The following EEA1 variants were observed in gnomAD, a reference collection of about 807,000 sequenced individuals.
EEA1 encodes the protein early endosome antigen 1, 162kD.
Under a neutral mutation model 209.2 loss-of-function variants are expected in EEA1, and 111 were observed. The ratio of observed to expected loss-of-function variants is 0.53; its 90% CI spans 0.45 to 0.62. The LOEUF (loss-of-function observed/expected upper bound fraction) is 0.62, where lower values mean the gene tolerates loss of function less well. Among genes scored for constraint, EEA1 ranks in the 20% least tolerant of loss-of-function variants. EEA1 has a pLI of 0.00. For missense variants in EEA1, 1,343 were observed against 1,530.8 expected, an observed-to-expected ratio of 0.88 and a Z score of 2.05; for synonymous variants, 536 against 540.6, an observed-to-expected ratio of 0.99 and a Z score of 0.12.
chr12:92,789,933 A>G (rs1455548863), intron 21 of EEA1, among the ~76,000 whole-genome samples: 1 of 152,220 alleles, frequency 6.6e-6, no homozygotes, highest in Non-Finnish European at 1.5e-5. Context: ...AGGAAGGATC[A>G]GGCAGCAATA....
intron 17 of EEA1, among the ~76,000 whole-genome samples, chr12:92,810,700 C>T (rs969132834): frequency 2.0e-5 from 3 of 151,464 alleles, no homozygotes; most frequent in South Asian, 2.1e-4. Context: ...AAGCAGCAAG[C>T]GGTTCTAATT....
intron 22 of EEA1, 44 bp downstream of exon 22, chr12:92,787,823 A>G (rs1592701693): frequency 4.3e-6 from 6 of 1,384,252 alleles, no homozygotes; most frequent in East Asian, 2.6e-5. Flanking sequence ...ATAAATGTCT[A>G]TAAAACTTAC....
At chr12:92,807,971 GA>G (rs1391689786) in intron 18 of EEA1, among the ~76,000 whole-genome samples, 1 of 151,992 alleles carries the variant, frequency 6.6e-6, no homozygotes, top group Non-Finnish European at 1.5e-5. Flanking sequence ...AGACAATCTT[GA>G]AAAATAATAA....
chr12:92,851,226 T>C lies in EEA1; in HGVS notation c.683A>G (p.Lys228Arg). The C allele has an allele frequency of 6.2e-7, 1 of 1,613,894 alleles. No homozygotes were observed. Among genetic ancestry groups the C allele is most frequent in the African/African-American group, 1.3e-5 (1 of 75,060 alleles). Residue 228 changes from lysine to arginine, a missense_variant, in exon 9 of 29, where the codon AAA becomes AGA. Transcript: ENST00000322349. ...TAGTGTTTGAACTTGGACCAGTTCT[T>C]TCTTTAGCACGGCAACATCTTCTAT... Reference protein sequence around the residue: ...PGIEDVAVLKKELVQVQTLMD... With the variant: ...PGIEDVAVLKRELVQVQTLMD...
chr12:92,786,960 C>T (rs1294872590), intron 22 of EEA1, among the ~76,000 whole-genome samples: 3 of 152,152 alleles, frequency 2.0e-5, no homozygotes. Context: ...CTCACTATGG[C>T]ACCTTTTCTC....
intron 13 of EEA1, 74 bp downstream of exon 13, chr12:92,826,087 AATTTT>A: frequency 7.0e-7 from 1 of 1,418,682 alleles, no homozygotes; most frequent in South Asian, 1.5e-5. Context: ...TGGATTAATT[AATTTT>A]ATTTTTTCTC....
At position 92,801,713 on chromosome 12, in the gene EEA1, T is replaced by G; in HGVS notation, c.2671-12A>C. ...TTGCAAGTTTTTTCCTTAAAAAAAATGAAAACTATATTACATAAAAAATAT... is the reference window on the plus strand; with the variant it reads ...TTGCAAGTTTTTTCCTTAAAAAAAAGGAAAACTATATTACATAAAAAATAT... On this transcript the variant is annotated splice_polypyrimidine_tract_variant and intron_variant, in intron 19 of 28. Coordinates refer to ENST00000322349, the MANE Select transcript of EEA1 (RefSeq NM_003566.4). 1.3e-6 allele frequency: 2 copies of G among 1,523,248 alleles called. No homozygotes were observed. The highest frequency in any genetic ancestry group is 1.8e-6 in the Non-Finnish European group (2 of 1,127,584). 94.4% of individuals were successfully genotyped at this position (1,523,248 alleles called of 1,614,324 possible).
chr12:92,881,668 T>C (rs1019008302), intron 2 of EEA1, among the ~76,000 whole-genome samples: 2 of 152,112 alleles, frequency 1.3e-5, no homozygotes, highest in Non-Finnish European at 2.9e-5. Flanking sequence ...AGGCCATTAG[T>C]GAGTAGTTTC....
chr12:92,835,400 CTTTTTTTTTTTTTTTT>C (rs140302130), intron 10 of EEA1: 5 of 154,370 alleles, frequency 3.2e-5, no homozygotes, highest in East Asian at 1.9e-4. Context: ...AGTTTCACTC[CTTTTTTTTTTTTTTTT>C]TTTTTTTTTT....
chr12:92,928,582 C>CCT lies in EEA1; in HGVS notation c.24+460_24+461insAG, dbSNP rs1304058236. Among the ~76,000 whole-genome samples, 896 of 152,258 alleles carry CCT rather than the reference C, an allele frequency of 5.9e-3. 8 individuals are homozygous for CCT. The highest frequency in any genetic ancestry group is 0.021 in the African/African-American group (856 of 41,550). ...AAAGCAGGGCCGTGTGTGGCAGGTGCGCATCGTGTCAAATTGGGGGGCACG... is the reference window on the plus strand; with the variant it reads ...AAAGCAGGGCCGTGTGTGGCAGGTGCCTGCATCGTGTCAAATTGGGGGGCACG... On this transcript the variant is annotated intron_variant, in intron 1 of 28. Coordinates refer to ENST00000322349, the MANE Select transcript of EEA1 (RefSeq NM_003566.4).
At chr12:92,839,157 CTG>C (rs1229316851) in intron 10 of EEA1, among the ~76,000 whole-genome samples, 1 of 152,114 alleles carries the variant, frequency 6.6e-6, no homozygotes, top group Non-Finnish European at 1.5e-5. Context: ...ACAAATGTGA[CTG>C]TTTTTATATT....
At chr12:92,785,667 G>T (rs1165131018) in intron 22 of EEA1, among the ~76,000 whole-genome samples, 1 of 151,898 alleles carries the variant, frequency 6.6e-6, no homozygotes, top group African/African-American at 2.4e-5. Flanking sequence ...TGAAAGAATG[G>T]CAGACTTTGA....
In EEA1 at chr12:92,804,091, G is replaced by A. The variant is rs1255956173; in HGVS notation, c.2340-1357C>T. Among the ~76,000 whole-genome samples the A allele has an allele frequency of 5.9e-5, 9 of 151,778 alleles. No homozygotes were observed. The East Asian group carries it at 1.5e-3, about 26-fold the overall frequency. On this transcript the variant is annotated intron_variant, in intron 18 of 28. Transcript: ENST00000322349. ...GATAGAACAACCAGAGGAACAAATTGGCAAGAATATAGACAATAAGAACAG... is the reference window on the plus strand; with the variant it reads ...GATAGAACAACCAGAGGAACAAATTAGCAAGAATATAGACAATAAGAACAG...
intron 2 of EEA1, among the ~76,000 whole-genome samples, chr12:92,882,498 G>A (rs1033122663): frequency 9.2e-5 from 14 of 151,894 alleles, no homozygotes; most frequent in African/African-American, 2.4e-4. Context: ...GAGCTTTGGG[G>A]TACAAATGAT....
rs898732577 is a variant in EEA1, at chr12:92,779,029, T to C, written c.3654+86A>G. ...CTAAAATGTTAGGAAAGCATTTCAA[T>C]CAGATCTTATAAGTAGAACAGTCCT... is the stretch of plus-strand genomic sequence containing the variant. On this transcript the variant is annotated intron_variant, in intron 25 of 28. Coordinates refer to ENST00000322349, the MANE Select transcript of EEA1 (RefSeq NM_003566.4). The C allele has an allele frequency of 6.4e-5, 75 of 1,178,940 alleles. No homozygotes were observed. In the Admixed American group the frequency reaches 2.1e-3, roughly 34 times the overall value. 73.0% of individuals were successfully genotyped at this position (1,178,940 alleles called of 1,614,324 possible).
chr12:92,838,793 T>C (rs996426114), intron 10 of EEA1, among the ~76,000 whole-genome samples: 1 of 152,130 alleles, frequency 6.6e-6, no homozygotes, highest in African/African-American at 2.4e-5. Context: ...ATATTTGTAG[T>C]AGCAAGAAAA....
intron 2 of EEA1, among the ~76,000 whole-genome samples, chr12:92,876,527 G>A (rs907756204): frequency 1.3e-5 from 2 of 152,100 alleles, no homozygotes; most frequent in African/African-American, 2.4e-5. Flanking sequence ...TCTATGAACC[G>A]GGAAATGGGC....
At chr12:92,826,353 A>G in intron 12 of EEA1, 68 bp from the exon 13 acceptor site, 2 of 1,408,274 alleles carry the variant, frequency 1.4e-6, no homozygotes, top group Non-Finnish European at 2.0e-6. Context: ...AGTATCTGGC[A>G]TTACTTCAAT....
intron 2 of EEA1, among the ~76,000 whole-genome samples, chr12:92,870,270 T>C (rs1255440126): frequency 6.6e-6 from 1 of 152,200 alleles, no homozygotes; most frequent in African/African-American, 2.4e-5. Flanking sequence ...TAATTTTTGG[T>C]CTTTCTGGTG....
Sources: allele counts gnomAD v4.1 joint callset (sites outside exome capture counted in the v4.1 genomes callset), GRCh38; gene constraint gnomAD v4.1.1; transcripts MANE v1.5; gene names NCBI Gene and HGNC (gene_info 2026-07-23, HGNC 2026-07-21).